The following TBC1D22A variants were observed in gnomAD, a reference collection of about 807,000 sequenced individuals.
TBC1D22A encodes TBC1 domain family member 22A.
Under a neutral mutation model 60.2 loss-of-function variants are expected in TBC1D22A, and 38 were observed. That is an observed-to-expected ratio of 0.63 (90% CI 0.49 to 0.83). TBC1D22A has a LOEUF of 0.83. Ranked by LOEUF, TBC1D22A falls within the 40% of genes least tolerant of loss-of-function variation. The pLI is 0.00. For synonymous variants in TBC1D22A, 302 were observed against 281.7 expected (o/e 1.07, Z -0.72); for missense variants, 628 against 701.0 (o/e 0.90, Z 1.18).
Position 46,879,775 on chromosome 22 carries a change from G to A in TBC1D22A, c.708+1052G>A, listed in dbSNP as rs560166215. Among the ~76,000 whole-genome samples the A allele has an allele frequency of 5.3e-5, 8 of 152,304 alleles. No homozygotes were observed. The South Asian group carries it at 6.2e-4, about 12-fold the overall frequency. On this transcript the variant is annotated intron_variant, in intron 5 of 12. Coordinates refer to ENST00000337137, the MANE Select transcript of TBC1D22A (RefSeq NM_014346.5). The stretch of plus-strand genomic sequence containing the variant: ...GTTATGATGAAAACACCGAATTGCC[G>A]TTTTCTATTTATTAAGGATGTGCCG...
intron 12 of TBC1D22A, among the ~76,000 whole-genome samples, chr22:47,159,258 G>A (rs942854132): frequency 2.3e-4 from 32 of 138,696 alleles, no homozygotes; most frequent in Middle Eastern, 5.4e-3. Flanking sequence ...ATGTATGCAC[G>A]CAGACAACAC....
chr22:46,833,482 C>T (rs1325795074), intron 4 of TBC1D22A, among the ~76,000 whole-genome samples: 1 of 152,208 alleles, frequency 6.6e-6, no homozygotes, highest in Non-Finnish European at 1.5e-5. Flanking sequence ...TCCCACGGCA[C>T]ATTCTTCTAC....
intron 10 of TBC1D22A, among the ~76,000 whole-genome samples, chr22:47,023,158 T>C (rs2062145921): frequency 6.6e-6 from 1 of 152,102 alleles, no homozygotes; most frequent in Admixed American, 6.5e-5. Flanking sequence ...GATAAAGACA[T>C]GGAAGTAGAG....
At chr22:46,964,106 A>G (rs2148072072) in intron 8 of TBC1D22A, among the ~76,000 whole-genome samples, 1 of 152,318 alleles carries the variant, frequency 6.6e-6, no homozygotes, top group Non-Finnish European at 1.5e-5. Flanking sequence ...ATTTTCTGGC[A>G]GGTGCACAGT....
At chr22:46,820,373 T>A (rs1250580651) in intron 4 of TBC1D22A, among the ~76,000 whole-genome samples, 1 of 152,208 alleles carries the variant, frequency 6.6e-6, no homozygotes, top group Non-Finnish European at 1.5e-5. Flanking sequence ...GGGCATTTAG[T>A]GCTATAAATT....
chr22:46,898,669 G>T (rs751288499), intron 7 of TBC1D22A, among the ~76,000 whole-genome samples: 36 of 152,290 alleles, frequency 2.4e-4, no homozygotes, highest in Non-Finnish European at 4.9e-4. Flanking sequence ...GTGGGCTGGG[G>T]TGCACCTGTG....
At chr22:46,799,316 A>G (rs1423055682) in intron 4 of TBC1D22A, among the ~76,000 whole-genome samples, 2 of 152,170 alleles carry the variant, frequency 1.3e-5, no homozygotes, top group Non-Finnish European at 2.9e-5. Context: ...ACCATTCTGC[A>G]TGTGTGTGCC....
chr22:46,826,951 T>A (rs1017911677), intron 4 of TBC1D22A, among the ~76,000 whole-genome samples: 3 of 152,090 alleles, frequency 2.0e-5, no homozygotes, highest in African/African-American at 7.2e-5. Flanking sequence ...TTCCGTTTTT[T>A]TTTTTTTGAA....
intron 9 of TBC1D22A, among the ~76,000 whole-genome samples, chr22:46,985,712 G>A (rs1193279755): frequency 6.6e-6 from 1 of 152,152 alleles, no homozygotes; most frequent in Non-Finnish European, 1.5e-5. Flanking sequence ...TAACATTTCT[G>A]TGAACACTCA....
intron 11 of TBC1D22A, among the ~76,000 whole-genome samples, chr22:47,102,371 G>A (rs1285466957): frequency 1.3e-5 from 2 of 152,120 alleles, no homozygotes; most frequent in Non-Finnish European, 2.9e-5. Context: ...CACCCCAGGC[G>A]TGTGCCTCTC....
intron 4 of TBC1D22A, among the ~76,000 whole-genome samples, chr22:46,837,830 G>A (rs1161287170): frequency 2.0e-5 from 3 of 152,214 alleles, no homozygotes; most frequent in Non-Finnish European, 2.9e-5. Flanking sequence ...TTGGGAGGTC[G>A]AGGCAGTGGA....
rs137915365 is a variant in TBC1D22A, at chr22:47,004,182, C to CTA, written c.1201+6482_1201+6483dup. Among the ~76,000 whole-genome samples, 478 of 150,520 alleles carry CTA rather than the reference C, an allele frequency of 3.2e-3. 3 individuals are homozygous for CTA. The highest frequency in any genetic ancestry group is 0.011 in the African/African-American group (459 of 40,772). On this transcript the variant is annotated intron_variant, in intron 10 of 12. Transcript: ENST00000337137. ...TATACACACACCCCTGCACACATGC[C>CTA]TATATATATACTCCTCATACATACA...
intron 4 of TBC1D22A, among the ~76,000 whole-genome samples, chr22:46,857,980 G>C (rs1181069522): frequency 1.3e-5 from 2 of 152,086 alleles, no homozygotes; most frequent in Non-Finnish European, 2.9e-5. Flanking sequence ...CCTTTCTCTC[G>C]GGGATATACT....
intron 10 of TBC1D22A, among the ~76,000 whole-genome samples, chr22:47,017,960 C>A (rs986038500): frequency 5.3e-5 from 8 of 152,230 alleles, no homozygotes; most frequent in African/African-American, 1.9e-4. Flanking sequence ...CTGCATGCTG[C>A]CTGTGGACAC....
At chr22:47,054,214 T>G (rs912093009) in intron 11 of TBC1D22A, among the ~76,000 whole-genome samples, 5 of 152,136 alleles carry the variant, frequency 3.3e-5, no homozygotes, top group Non-Finnish European at 7.4e-5. Flanking sequence ...GGGATGCTGT[T>G]TCAGGAAAAA....
intron 12 of TBC1D22A, among the ~76,000 whole-genome samples, chr22:47,165,852 T>C (rs1192026573): frequency 1.3e-5 from 2 of 151,974 alleles, no homozygotes; most frequent in East Asian, 3.9e-4. Flanking sequence ...CCTGCTGTGG[T>C]TAGGGTTTCT....
rs2061687323 is a variant in TBC1D22A, at chr22:47,009,448, AT to A, written c.1201+11740del. Among the ~76,000 whole-genome samples, 1 of 151,182 alleles carries A rather than the reference AT, an allele frequency of 6.6e-6. No individual in the cohort carries two copies. The highest frequency in any genetic ancestry group is 6.6e-5 in the Admixed American group (1 of 15,184). ...CACCACCATCATCATCACCATCACC[AT>A]CATTTCTGTCATCACCATCGTCATC... On this transcript the variant is annotated intron_variant, in intron 10 of 12. Coordinates refer to ENST00000337137, the MANE Select transcript of TBC1D22A (RefSeq NM_014346.5). The surrounding 1 kb of genome is among the most constrained non-coding windows in gnomAD (Gnocchi z 5.8).
At chr22:47,170,476 T>C (rs1389274131) in intron 12 of TBC1D22A, among the ~76,000 whole-genome samples, 2 of 152,236 alleles carry the variant, frequency 1.3e-5, no homozygotes, top group Non-Finnish European at 2.9e-5. Flanking sequence ...CAGGGACTTT[T>C]AGCCAGTGAA....
chr22:47,160,849 C>G (rs183066888), intron 12 of TBC1D22A, among the ~76,000 whole-genome samples: 2 of 152,138 alleles, frequency 1.3e-5, no homozygotes, highest in Admixed American at 6.5e-5. Flanking sequence ...TGCCCTCCCC[C>G]CAGCTACCCT....
Sources: allele counts gnomAD v4.1 joint callset (sites outside exome capture counted in the v4.1 genomes callset), GRCh38; gene constraint gnomAD v4.1.1; non-coding constraint Gnocchi (gnomAD v3.1); transcripts MANE v1.5; gene names NCBI Gene and HGNC (gene_info 2026-07-23, HGNC 2026-07-21).